Variants in SEZ6L2 observed in about 807,000 individuals in gnomAD.
SEZ6L2 encodes seizure related 6 homolog like 2.
In SEZ6L2, 44 loss-of-function variants were observed where a neutral mutation model predicts 97.0. The observed-to-expected ratio is 0.45, with a 90% CI of 0.36 to 0.58. SEZ6L2 has a LOEUF of 0.58. SEZ6L2 is among the 20% of genes least tolerant of loss of function. SEZ6L2 has a pLI of 0.00. For missense variants in SEZ6L2, 1,086 were observed against 1,233.3 expected, an observed-to-expected ratio of 0.88 and a Z score of 1.79; for synonymous variants, 543 against 546.1, an observed-to-expected ratio of 0.99 and a Z score of 0.08.
intron 8 of SEZ6L2, among the ~76,000 whole-genome samples, chr16:29,881,435 C>G (rs1307255568): frequency 6.6e-6 from 1 of 152,066 alleles, no homozygotes; most frequent in African/African-American, 2.4e-5. Flanking sequence ...CAGTTGGATT[C>G]TGATCATCCA....
chr16:29,897,478 C>T (rs574621891), intron 2 of SEZ6L2, among the ~76,000 whole-genome samples: 10 of 152,132 alleles, frequency 6.6e-5, no homozygotes, highest in Non-Finnish European at 1.2e-4. Context: ...TTCCCCATTT[C>T]CCTGTTTAGT....
intron 17 of SEZ6L2, 98 bp from the exon 18 acceptor site, chr16:29,871,826 C>A: frequency 9.1e-7 from 1 of 1,095,558 alleles, no homozygotes; most frequent in South Asian, 1.3e-5. Flanking sequence ...TTTAAAGTAA[C>A]ATTGACCTCT....
intron 1 of SEZ6L2, 82 bp from the exon 2 acceptor site, chr16:29,898,066 C>G (rs1490898483): frequency 3.8e-6 from 6 of 1,580,818 alleles, no homozygotes; most frequent in Non-Finnish European, 4.3e-6. Context: ...AACTCTTCCT[C>G]CCTCCTCCAT....
At chr16:29,882,006 T>C (rs2068042123) in intron 8 of SEZ6L2, among the ~76,000 whole-genome samples, 1 of 150,820 alleles carries the variant, frequency 6.6e-6, no homozygotes, top group Non-Finnish European at 1.5e-5. Flanking sequence ...AGTCTCGCTC[T>C]GTCGCCCAGG....
intron 5 of SEZ6L2, among the ~76,000 whole-genome samples, chr16:29,889,636 T>C (rs1451204396): frequency 8.3e-6 from 1 of 120,552 alleles, no homozygotes; most frequent in East Asian, 3.0e-4. Context: ...TTTTTTTTTT[T>C]TTTTTTTTTG....
chr16:29,873,273 A>T lies in SEZ6L2; in HGVS notation c.2455T>A (p.Ser819Thr). ...VTITCVPGHP[S>T]QWTSQPPLCK... is the part of the protein sequence containing the mutation. ...AGTGGGGGCTGGCTGGTCCACTGGG[A>T]GGGGTGGCCGGGCACACAGGTGATG... is the stretch of plus-strand genomic sequence containing the variant. The change falls in exon 14 of 18, where the codon TCC becomes ACC. Residue 819 changes from serine to threonine, a missense_variant. This residue lies in a region of SEZ6L2 where 310 missense variants were observed against 438.6 expected (regional missense o/e 0.71). Transcript: ENST00000617533. This position sits in a 1 kb window ranked among gnomAD's most constrained non-coding sequence, Gnocchi z 4.3. 5 of 1,613,938 alleles carry T rather than the reference A, an allele frequency of 3.1e-6. No individual in the cohort carries two copies. Among genetic ancestry groups the T allele is most frequent in the Non-Finnish European group, 4.2e-6 (5 of 1,179,970 alleles).
rs2067997866 is a variant in SEZ6L2 at position 29,880,037 on chromosome 16, G to C, written c.1400C>G (p.Pro467Arg). ...EAFEEDRCFA[P>R]FLAHGNVTTT... ...AGTGACATTTCCATGTGCCAGGAAG[G>C]GGGCGAAGCAGCGATCCTCCTCAAA... Residue 467 changes from proline (P) to arginine (R), a missense_variant, in exon 9 of 18, where the codon CCC (proline) becomes CGC (arginine). Coordinates refer to ENST00000617533, the MANE Select transcript of SEZ6L2 (RefSeq NM_001243332.2). 1 of 1,614,220 alleles carries C rather than the reference G, an allele frequency of 6.2e-7. No individual in the cohort carries two copies.
chr16:29,884,960 C>T (rs985058404), intron 8 of SEZ6L2, among the ~76,000 whole-genome samples: 3 of 152,164 alleles, frequency 2.0e-5, no homozygotes, highest in Non-Finnish European at 4.4e-5. Flanking sequence ...GTAATCCCAG[C>T]ACTTTGGGCG....
intron 12 of SEZ6L2, among the ~76,000 whole-genome samples, chr16:29,874,685 C>T (rs2067867568): frequency 6.7e-6 from 1 of 149,958 alleles, no homozygotes; most frequent in Admixed American, 6.7e-5. Flanking sequence ...ATTCTCCTGC[C>T]TCAGCCTCCC....
intron 8 of SEZ6L2, 82 bp downstream of exon 8, chr16:29,885,504 G>T: frequency 6.9e-7 from 1 of 1,456,436 alleles, no homozygotes; most frequent in South Asian, 1.2e-5. Flanking sequence ...CAGGCATAGA[G>T]TTTGTGCTTC....
intron 6 of SEZ6L2, 65 bp downstream of exon 6, chr16:29,888,475 G>A (rs548264227): frequency 1.2e-5 from 18 of 1,537,490 alleles, no homozygotes; most frequent in South Asian, 1.1e-4. Flanking sequence ...GGACACCCCC[G>A]AGATAGGACC....
intron 17 of SEZ6L2, among the ~76,000 whole-genome samples, 162 bp downstream of exon 17, chr16:29,872,025 C>T (rs2067793442): frequency 6.6e-6 from 1 of 152,186 alleles, no homozygotes; most frequent in African/African-American, 2.4e-5. Flanking sequence ...GTCCTCACCA[C>T]TCCCTATTGT....
Position 29,876,791 on chromosome 16 carries a change from A to G in SEZ6L2, c.2069T>C (p.Leu690Pro). ...GSDILTCQWD[L>P]SWSAAPPACQ... ...GGCGGGCGGCGCGGCGCTCCAAGAC[A>G]GGTCCCACTGGCAAGTGAGAATGTC... The change falls in exon 12 of 18, where the codon CTG becomes CCG. Residue 690 changes from leucine to proline, a missense_variant. Leu to Pro is a moderately conservative substitution (Grantham distance 98). Coordinates refer to ENST00000617533, the MANE Select transcript of SEZ6L2 (RefSeq NM_001243332.2). This position sits in a 1 kb window ranked among gnomAD's most constrained non-coding sequence, Gnocchi z 6.5. The G allele has an allele frequency of 6.3e-7, 1 of 1,581,852 alleles. No individual in the cohort carries two copies. The highest frequency in any genetic ancestry group is 1.8e-5 in the Admixed American group (1 of 54,992).
At chr16:29,874,560 T>TGG (rs2067861599) in intron 12 of SEZ6L2, among the ~76,000 whole-genome samples, 3 of 79,738 alleles carry the variant, frequency 3.8e-5, no homozygotes, top group African/African-American at 1.9e-4. Context: ...GTTTTTTTTT[T>TGG]TTTTTTTTTT....
Sources: allele counts gnomAD v4.1 joint callset (sites outside exome capture counted in the v4.1 genomes callset), GRCh38; gene constraint gnomAD v4.1.1; regional missense constraint gnomAD v4.1.1; non-coding constraint Gnocchi (gnomAD v3.1); transcripts MANE v1.5; gene names NCBI Gene and HGNC (gene_info 2026-07-23, HGNC 2026-07-21).